LIMCH1: variants seen among roughly 807,000 people sequenced by gnomAD.
The protein encoded by LIMCH1 is LIM and calponin homology domains 1.
Under a neutral mutation model 176.5 loss-of-function variants are expected in LIMCH1, and 113 were observed. The observed-to-expected ratio is 0.64, with a 90% CI of 0.55 to 0.75. LIMCH1 has a LOEUF of 0.75. Ranked by LOEUF, LIMCH1 falls within the 30% of genes least tolerant of loss-of-function variation. The pLI is 0.00. For missense variants in LIMCH1, 1,674 were observed against 1,814.9 expected (o/e 0.92, Z 1.41); for synonymous variants, 619 against 645.9 (o/e 0.96, Z 0.63).
chr4:41,414,188 A>G (rs556507259), intron 1 of LIMCH1, among the ~76,000 whole-genome samples: 13 of 152,236 alleles, frequency 8.5e-5, no homozygotes, highest in African/African-American at 2.9e-4. Flanking sequence ...ACAACATAGG[A>G]CAATGAATAG....
chr4:41,573,165 A>G (rs1260717974), intron 1 of LIMCH1, among the ~76,000 whole-genome samples: 1 of 152,198 alleles, frequency 6.6e-6, no homozygotes. Flanking sequence ...ATTTTCAGAC[A>G]ACAGAAGGCA....
intron 1 of LIMCH1, among the ~76,000 whole-genome samples, chr4:41,384,855 C>T (rs1246607685): frequency 6.6e-6 from 1 of 151,984 alleles, no homozygotes; most frequent in Non-Finnish European, 1.5e-5. Context: ...AGGGTTTCCC[C>T]TCAACTTTGT....
chr4:41,599,867 A>G (rs111810687), intron 2 of LIMCH1, among the ~76,000 whole-genome samples: 2,715 of 152,240 alleles, frequency 0.018, 77 homozygotes, highest in African/African-American at 0.06. Flanking sequence ...CAGAGCTGTT[A>G]ATTTTATACA....
At position 41,599,027 on chromosome 4, in the gene LIMCH1, G is replaced by A. The variant is rs1188006969; in HGVS notation, c.-134+1G>A. On this transcript the variant is annotated splice_donor_variant, in intron 2 of 31. Coordinates refer to ENST00000503057, the MANE Select transcript of LIMCH1 (RefSeq NM_001330672.2). LOFTEE classifies it low-confidence loss of function (5UTR_SPLICE). ...ATACATCCAACAGAGTAACAGTCAA[G>A]TAAGTAAAGCGTGATTTATGTTTAA... The A allele has an allele frequency of 6.3e-7, 1 of 1,575,530 alleles. No individual in the cohort carries two copies. Among genetic ancestry groups the A allele is most frequent in the Non-Finnish European group, 8.7e-7 (1 of 1,146,012 alleles).
At chr4:41,435,647 A>C (rs1330587578) in intron 1 of LIMCH1, among the ~76,000 whole-genome samples, 1 of 152,146 alleles carries the variant, frequency 6.6e-6, no homozygotes, top group Non-Finnish European at 1.5e-5. Context: ...TCCTAGTAAG[A>C]TATTATTTCT....
At chr4:41,673,401 T>G (rs1332695355) in intron 22 of LIMCH1, among the ~76,000 whole-genome samples, 1 of 152,178 alleles carries the variant, frequency 6.6e-6, no homozygotes, top group Non-Finnish European at 1.5e-5. Flanking sequence ...ACATTCGCAT[T>G]TCTTGTTTAA....
At position 41,650,510 on chromosome 4, in the gene LIMCH1, G is replaced by A. The variant is rs765793923; in HGVS notation, c.2938G>A (p.Val980Met). The change falls in exon 18 of 32, where the codon GTG (valine) becomes ATG (methionine). Residue 980 changes from valine (V) to methionine (M), a missense_variant. By Grantham distance (21) the Val-to-Met change is conservative. This residue lies in a region of LIMCH1 where 1,015 missense variants were observed against 1,102.5 expected (regional missense o/e 0.92). Transcript: ENST00000503057. Reference sequence around the variant, plus strand: ...AACCAAATCCCAGATGTTTGAAGGTGTGGCCAGAGTGCACGGGTCTCCACT... The same window carrying A: ...AACCAAATCCCAGATGTTTGAAGGTATGGCCAGAGTGCACGGGTCTCCACT... ...SLTKSQMFEG[V>M]ARVHGSPLEL... The A allele has an allele frequency of 1.9e-6, 3 of 1,614,108 alleles. No homozygotes were observed. The East Asian group carries it at 6.7e-5, about 36-fold the overall frequency.
At chr4:41,620,870 G>C (rs1034164857) in intron 7 of LIMCH1, among the ~76,000 whole-genome samples, 180 bp downstream of exon 7, 2 of 152,218 alleles carry the variant, frequency 1.3e-5, no homozygotes, top group Non-Finnish European at 2.9e-5. Context: ...TCTCTGCTAA[G>C]TACCTCCTGG....
chr4:41,379,935 A>G (rs939798508), intron 1 of LIMCH1, among the ~76,000 whole-genome samples: 6 of 152,058 alleles, frequency 3.9e-5, no homozygotes, highest in African/African-American at 7.2e-5. Context: ...AGTAGCTGGG[A>G]TTACAGGTGT....
Position 41,605,999 on chromosome 4 carries a change from C to A in LIMCH1, c.4C>A (p.Arg2=). Reference sequence around the variant, plus strand: ...GTTTGAAGGATTGTTGGCTCAGATGCGAAAGGTAACTTGGCTTTTCTTCTT... The same window carrying A: ...GTTTGAAGGATTGTTGGCTCAGATGAGAAAGGTAACTTGGCTTTTCTTCTT... M[R]KDTDDIESPK... The change falls in exon 4 of 32, where the codon CGA becomes AGA. Residue 2 remains arginine (R), a synonymous_variant. Transcript: ENST00000503057. The A allele has an allele frequency of 6.2e-7, 1 of 1,608,494 alleles. No individual in the cohort carries two copies. The highest frequency in any genetic ancestry group is 1.1e-5 in the South Asian group (1 of 90,920).
intron 4 of LIMCH1, among the ~76,000 whole-genome samples, chr4:41,606,431 C>T (rs1436282313): frequency 6.6e-6 from 1 of 152,144 alleles, no homozygotes; most frequent in Admixed American, 6.5e-5. Flanking sequence ...GGTGAGGTAA[C>T]GTGAACCAAG....
intron 1 of LIMCH1, among the ~76,000 whole-genome samples, chr4:41,400,365 T>C (rs2058297220): frequency 6.6e-6 from 1 of 152,198 alleles, no homozygotes; most frequent in African/African-American, 2.4e-5. Context: ...AAATGCATAA[T>C]TTTCTCTGTC....
chr4:41,661,503 C>T lies in LIMCH1; in HGVS notation c.3120C>T (p.Ala1040=), dbSNP rs878986724. ...GKSRKGNIEL[A]SSEPQHFTTT... ...CAAGAAAAGGGAATATAGAACTTGC[C>T]TCATCAGGTTTGTTTCATAAGAGAC... Residue 1040 remains alanine, a synonymous_variant, in exon 19 of 32, where the codon GCC becomes GCT. Coordinates refer to ENST00000503057, the MANE Select transcript of LIMCH1 (RefSeq NM_001330672.2). The T allele has an allele frequency of 3.1e-6, 5 of 1,604,192 alleles. No homozygotes were observed. Among genetic ancestry groups the T allele is most frequent in the Non-Finnish European group, 3.4e-6 (4 of 1,172,786 alleles).
chr4:41,386,929 G>T (rs775574773), intron 1 of LIMCH1, among the ~76,000 whole-genome samples: 47 of 152,212 alleles, frequency 3.1e-4, no homozygotes, highest in African/African-American at 1.1e-3. Flanking sequence ...AGCCAAAGTA[G>T]CTGTTATAGC....
chr4:41,547,929 G>A (rs56379358), intron 1 of LIMCH1, among the ~76,000 whole-genome samples: 2,667 of 141,858 alleles, frequency 0.019, 50 homozygotes, highest in Middle Eastern at 0.032. Flanking sequence ...TGCATGGTAT[G>A]TGCTCAGAAA....
intron 1 of LIMCH1, among the ~76,000 whole-genome samples, chr4:41,419,462 C>T (rs1474147099): frequency 1.3e-5 from 2 of 152,134 alleles, no homozygotes; most frequent in African/African-American, 2.4e-5. Context: ...GCGTGAGCCA[C>T]CATACCCGGC....
In LIMCH1 at chr4:41,638,977, C is replaced by A. The variant is rs1449296420; in HGVS notation, c.2126+10C>A. The stretch of plus-strand genomic sequence containing the variant: ...TGTCTGATGACGCAGAGTAAGTTGC[C>A]TTGTATTTGTAGGATTACATTAATT... On this transcript the variant is annotated intron_variant, in intron 14 of 31. Transcript: ENST00000503057. The A allele has an allele frequency of 6.4e-7, 1 of 1,574,670 alleles. No homozygotes were observed. Among genetic ancestry groups the A allele is most frequent in the African/African-American group, 1.4e-5 (1 of 72,256 alleles).
At chr4:41,569,820 T>C (rs909048386) in intron 1 of LIMCH1, among the ~76,000 whole-genome samples, 2 of 152,220 alleles carry the variant, frequency 1.3e-5, no homozygotes, top group East Asian at 3.9e-4. Context: ...CAAATTCACT[T>C]TAGTTCACTG....
At chr4:41,537,251 T>C (rs2078048596), upstream of LIMCH1, among the ~76,000 whole-genome samples, 1 of 152,204 alleles carries the variant, frequency 6.6e-6, no homozygotes. Context: ...GTTGTAAACA[T>C]TGTGTTTTAT....
Sources: gnomAD v4.1 joint callset for allele counts (sites outside exome capture counted in the v4.1 genomes callset) on GRCh38, gnomAD v4.1.1 for gene constraint, gnomAD v4.1.1 regional missense constraint, MANE v1.5 for transcripts, NCBI Gene and HGNC (gene_info 2026-07-23, HGNC 2026-07-21) for gene names.